FCRL3: variants seen among roughly 807,000 people sequenced by gnomAD.
FCRL3 encodes the protein Fc receptor like 3, also known as Fc receptor-like protein 3.
In FCRL3, 89 loss-of-function variants were observed where a neutral mutation model predicts 75.0. That is an observed-to-expected ratio of 1.19 (90% confidence interval 1.00 to 1.42). The LOEUF is 1.42. Among genes scored for constraint, FCRL3 ranks in the 40% most tolerant of loss-of-function variants. The probability of loss-of-function intolerance (pLI) is 0.00; values close to 1 mark genes in which losing one functional copy is unlikely to be tolerated. For missense variants in FCRL3, 946 were observed against 880.0 expected (o/e 1.07, Z -0.95); for synonymous variants, 376 against 348.5 (o/e 1.08, Z -0.88).
rs145399983 is a variant in FCRL3, at chr1:157,689,875, G to A, written c.1733C>T (p.Thr578Met). The stretch of plus-strand genomic sequence containing the variant: ...GACGAGGATGCTGAGCACCAGCCCC[G>A]TGATTCCCGCAGCGGTAAGGCCTGT... ...NRTGLTAAGI[T>M]GLVLSILVLA... The change falls in exon 10 of 15, where the codon ACG (threonine) becomes ATG (methionine). Residue 578 changes from threonine (T) to methionine (M), a missense_variant. Coordinates refer to ENST00000368184, the MANE Select transcript of FCRL3 (RefSeq NM_052939.4). 1.4e-5 allele frequency: 23 copies of A among 1,614,074 alleles called. No homozygotes were observed. The highest frequency in any genetic ancestry group is 2.2e-5 in the South Asian group (2 of 91,090).
intron 10 of FCRL3, among the ~76,000 whole-genome samples, chr1:157,683,952 T>C (rs1331537672): frequency 6.6e-6 from 1 of 152,224 alleles, no homozygotes; most frequent in Non-Finnish European, 1.5e-5. Context: ...TTTGCCTCTA[T>C]TTCTCTCTTT....
Position 157,678,011 on chromosome 1 carries a change from CTA to C in FCRL3, c.*697_*698del, listed in dbSNP as rs140404760. 1.2e-4 allele frequency: 115 copies of C among 985,332 alleles called. No individual in the cohort carries two copies. In the African/African-American group the frequency reaches 1.8e-3, roughly 16 times the overall value. 61.0% of individuals were successfully genotyped at this position (985,332 alleles called of 1,614,324 possible). A position where few individuals can be genotyped will look rare whatever the true frequency, so the allele number is the denominator to read the frequency against. ...CTATCATGTATGGCAAATGATGAGA[CTA>C]TGTCATGAAGCAAAAATTACAATTA... On this transcript the variant is annotated 3_prime_UTR_variant, in exon 15 of 15. Coordinates refer to ENST00000368184, the MANE Select transcript of FCRL3 (RefSeq NM_052939.4).
rs1656121142 is a variant in FCRL3, at chr1:157,698,648, GA to G, written c.53-20del. The G allele has an allele frequency of 6.2e-7, 1 of 1,613,206 alleles. No homozygotes were observed. Among genetic ancestry groups the G allele is most frequent in the Non-Finnish European group, 8.5e-7 (1 of 1,179,378 alleles). The stretch of plus-strand genomic sequence containing the variant: ...GCCACCCCTAAACAGGAAATAGAAA[GA>G]TGAAGGCAGGGGAAGGTCAATGGGA... On this transcript the variant is annotated intron_variant, in intron 3 of 14. Transcript: ENST00000368184.
At chr1:157,684,050 A>C (rs1357355690) in intron 10 of FCRL3, among the ~76,000 whole-genome samples, 1 of 152,174 alleles carries the variant, frequency 6.6e-6, no homozygotes, top group East Asian at 1.9e-4. Flanking sequence ...AAAAATATTC[A>C]ACAAAGATGT....
chr1:157,684,084 T>C (rs1354028489), intron 10 of FCRL3, among the ~76,000 whole-genome samples: 1 of 152,186 alleles, frequency 6.6e-6, no homozygotes, highest in African/African-American at 2.4e-5. Flanking sequence ...ACAAAGTATT[T>C]ACTTTGAGGA....
At chr1:157,679,450 C>G (rs12096256) in intron 13 of FCRL3, among the ~76,000 whole-genome samples, 2 of 152,206 alleles carry the variant, frequency 1.3e-5, no homozygotes, top group Admixed American at 1.3e-4. Flanking sequence ...CATTCTAAGG[C>G]CACATGACAA....
At chr1:157,694,837 TG>T (rs1557831184) in intron 8 of FCRL3, among the ~76,000 whole-genome samples, 1 of 152,186 alleles carries the variant, frequency 6.6e-6, no homozygotes, top group Non-Finnish European at 1.5e-5. Flanking sequence ...CCTGCTGCTG[TG>T]ATCCTAGTGG....
chr1:157,679,438 G>T (rs375196760), intron 13 of FCRL3, among the ~76,000 whole-genome samples: 1 of 152,240 alleles, frequency 6.6e-6, no homozygotes, highest in East Asian at 1.9e-4. Flanking sequence ...AGAGGAGATT[G>T]GCATTCTAAG....
Position 157,686,263 on chromosome 1 carries a change from TAA to T in FCRL3, c.1811-3021_1811-3020del, listed in dbSNP as rs34123636. On this transcript the variant is annotated intron_variant, in intron 10 of 14. Transcript: ENST00000368184. ...GAGGTGAAAGATCTCTGCGAGAAAT[TAA>T]AAAAAAAAATGCTGAAATAAAGACA... 1.2e-3 allele frequency among the ~76,000 whole-genome samples: 184 copies of T among 149,622 alleles called. 1 individual carries two copies. Among genetic ancestry groups the T allele is most frequent in the African/African-American group, 4.0e-3 (165 of 41,020 alleles).
In FCRL3 at chr1:157,686,362, C is replaced by T. The variant is rs901387939; in HGVS notation, c.1811-3118G>A. On this transcript the variant is annotated intron_variant, in intron 10 of 14. Transcript: ENST00000368184. ...TAATATTGTTAAAATGGCCATACTG[C>T]CCAAAGAAATTTACAGATTCAATAT... Among the ~76,000 whole-genome samples the T allele has an allele frequency of 1.4e-4, 21 of 152,128 alleles. 1 individual carries two copies. Among genetic ancestry groups the T allele is most frequent in the Non-Finnish European group, 7.4e-5 (5 of 67,984 alleles).
Position 157,698,520 on chromosome 1 carries a change from T to A in FCRL3, c.162A>T (p.Gly54=). ...TCTCATCGTGATACCAATATGTGTC[T>A]CCCTGGGCTAGGGAATGTGATATGC... ...CSSISHSLAQ[G]DTYWYHDEKL... The change falls in exon 4 of 15, where the codon GGA becomes GGT. Residue 54 remains glycine, a synonymous_variant. Coordinates refer to ENST00000368184, the MANE Select transcript of FCRL3 (RefSeq NM_052939.4). 6.2e-7 allele frequency: 1 copy of A among 1,614,246 alleles called. No homozygotes were observed. Among genetic ancestry groups the A allele is most frequent in the South Asian group, 1.1e-5 (1 of 91,080 alleles).
Position 157,679,828 on chromosome 1 carries a change from C to CAA in FCRL3, c.2027-856_2027-855insTT, listed in dbSNP as rs879258382. Among the ~76,000 whole-genome samples the CAA allele has an allele frequency of 5.5e-3, 153 of 27,810 alleles. 1 individual carries two copies. Among genetic ancestry groups the CAA allele is most frequent in the Middle Eastern group, 0.05 (1 of 20 alleles). The allele number at this position is 27,810 out of a possible 152,430, so 18.2% of individuals were successfully genotyped here. A position where few individuals can be genotyped will look rare whatever the true frequency, so the allele number is the denominator to read the frequency against. On this transcript the variant is annotated intron_variant, in intron 13 of 14. Transcript: ENST00000368184. ...TGGGCGACAGAACGAGACCCCATCT[C>CAA]ACAAAAAAAAAAAAAAAAAAAAAAA...
At chr1:157,683,542 C>A (rs955437418) in intron 10 of FCRL3, among the ~76,000 whole-genome samples, 1 of 152,136 alleles carries the variant, frequency 6.6e-6, no homozygotes, top group Non-Finnish European at 1.5e-5. Flanking sequence ...GGGTCAGGTG[C>A]TCCCCTCAAA....
Position 157,678,339 on chromosome 1 carries a change from T to C in FCRL3, c.*371A>G, listed in dbSNP as rs894790622. 8.6e-6 allele frequency: 9 copies of C among 1,045,960 alleles called. No individual in the cohort carries two copies. Among genetic ancestry groups the C allele is most frequent in the Non-Finnish European group, 1.0e-5 (9 of 867,744 alleles). 64.8% of individuals were successfully genotyped at this position (1,045,960 alleles called of 1,614,324 possible). ...CAAAATATTTGGAGCAAATTGTTTA[T>C]ACAGAGAGCACATTAACAGCTTTCG... On this transcript the variant is annotated 3_prime_UTR_variant, in exon 15 of 15. Coordinates refer to ENST00000368184, the MANE Select transcript of FCRL3 (RefSeq NM_052939.4).
chr1:157,700,346 C>T (rs1656233801), intron 2 of FCRL3, 113 bp downstream of exon 2: 1 of 1,521,358 alleles, frequency 6.6e-7, no homozygotes, highest in Non-Finnish European at 9.0e-7. Flanking sequence ...CTTCCCATCC[C>T]TTGCTATCTG....
intron 3 of FCRL3, among the ~76,000 whole-genome samples, chr1:157,699,118 G>A (rs1229469222): frequency 6.6e-6 from 1 of 152,096 alleles, no homozygotes; most frequent in Non-Finnish European, 1.5e-5. Flanking sequence ...AAGTCTATGG[G>A]GAAGGCAACT....
Position 157,697,721 on chromosome 1 carries a change from TA to T in FCRL3, c.496del (p.Tyr166IlefsTer11). ...AATGTCAAGTATGTAAAACTTCCTA[TA>T]AGCAGTACAATGATATTTGCTATTA... is the stretch of plus-strand genomic sequence containing the variant. ...RDNSKYHCTA[Y>X]RKFYILDIEV... On this transcript the variant is annotated frameshift_variant, in exon 5 of 15. Coordinates refer to ENST00000368184, the MANE Select transcript of FCRL3 (RefSeq NM_052939.4). LOFTEE classifies it high-confidence loss of function. The T allele has an allele frequency of 6.2e-7, 1 of 1,613,958 alleles. No individual in the cohort carries two copies. The highest frequency in any genetic ancestry group is 8.5e-7 in the Non-Finnish European group (1 of 1,179,838).
chr1:157,689,895 G>T lies in FCRL3; in HGVS notation c.1713C>A (p.Gly571=). ...GCCCCGTGATTCCCGCAGCGGTAAG[G>T]CCTGTTCTGTTCCTGGAAGTTCCTG... The part of the protein sequence containing the change: ...NVTGTSRNRT[G]LTAAGITGLV... The change falls in exon 10 of 15, where the codon GGC becomes GGA. Residue 571 remains glycine, a synonymous_variant. Coordinates refer to ENST00000368184, the MANE Select transcript of FCRL3 (RefSeq NM_052939.4). 1.9e-6 allele frequency: 3 copies of T among 1,614,160 alleles called. No homozygotes were observed. Among genetic ancestry groups the T allele is most frequent in the Non-Finnish European group, 2.5e-6 (3 of 1,180,020 alleles).
Position 157,680,719 on chromosome 1 carries a change from T to G in FCRL3, c.2009A>C (p.His670Pro). ...PIYSQIWSIQ[H>P]TKENSANCPM... ...CATCTTACCTGAGTTTTCTTTTGTA[T>G]GCTGGATGCTCCAGATCTGGGAATA... Residue 670 changes from histidine (H) to proline (P), a missense_variant, in exon 13 of 15, where the codon CAT (histidine) becomes CCT (proline). Transcript: ENST00000368184. The G allele has an allele frequency of 1.9e-6, 3 of 1,614,072 alleles. No individual in the cohort carries two copies. Among genetic ancestry groups the G allele is most frequent in the Non-Finnish European group, 2.5e-6 (3 of 1,179,924 alleles).
Sources: allele counts gnomAD v4.1 joint callset (sites outside exome capture counted in the v4.1 genomes callset), GRCh38; gene constraint gnomAD v4.1.1; transcripts MANE v1.5; gene names NCBI Gene and HGNC (gene_info 2026-07-23, HGNC 2026-07-21).